The following PACSIN1 variants were observed in gnomAD, a reference collection of about 807,000 sequenced individuals.
PACSIN1 encodes protein kinase C and casein kinase substrate in neurons 1.
In PACSIN1, 15 loss-of-function variants were observed where a neutral mutation model predicts 59.5. The observed-to-expected ratio is 0.25, with a 90% CI of 0.17 to 0.39. The LOEUF (loss-of-function observed/expected upper bound fraction) is 0.39. PACSIN1 is among the 10% of genes least tolerant of loss of function. PACSIN1 has a pLI of 1.00. For synonymous variants in PACSIN1, 210 were observed against 220.6 expected (o/e 0.95, Z 0.42); for missense variants, 420 against 580.2 (o/e 0.72, Z 2.84).
intron 1 of PACSIN1, among the ~76,000 whole-genome samples, chr6:34,505,799 A>G (rs536259298): frequency 2.8e-4 from 43 of 151,502 alleles, no homozygotes; most frequent in Non-Finnish European, 5.6e-4. Flanking sequence ...TGCCTGGCTG[A>G]TTTTGTAATT....
At chr6:34,502,215 T>G (rs920788352) in intron 1 of PACSIN1, among the ~76,000 whole-genome samples, 1 of 151,986 alleles carries the variant, frequency 6.6e-6, no homozygotes, top group African/African-American at 2.4e-5. Flanking sequence ...CAGTAAGACA[T>G]TGGCAAGCAT....
In PACSIN1 at chr6:34,532,305, A is replaced by C. The variant is rs1767611778; in HGVS notation, c.1226-116A>C. The C allele has an allele frequency of 1.4e-6, 1 of 693,516 alleles. No homozygotes were observed. Among genetic ancestry groups the C allele is most frequent in the Non-Finnish European group, 2.5e-6 (1 of 399,494 alleles). 43.0% of individuals were successfully genotyped at this position (693,516 alleles called of 1,614,324 possible). A position where few individuals can be genotyped will look rare whatever the true frequency, so the allele number is the denominator to read the frequency against. Reference sequence around the variant, plus strand: ...TGGTTTCCAGGGGCGGGGCCTAAGAATCTAAAACCCAGTGCAGTAATCAGG... The same window carrying C: ...TGGTTTCCAGGGGCGGGGCCTAAGACTCTAAAACCCAGTGCAGTAATCAGG... On this transcript the variant is annotated intron_variant, in intron 9 of 9. Coordinates refer to ENST00000244458, the MANE Select transcript of PACSIN1 (RefSeq NM_020804.5). This position sits in a 1 kb window ranked among gnomAD's most constrained non-coding sequence, Gnocchi z 5.2.
At chr6:34,498,342 G>A (rs941826699) in intron 1 of PACSIN1, among the ~76,000 whole-genome samples, 5 of 152,230 alleles carry the variant, frequency 3.3e-5, no homozygotes, top group African/African-American at 1.2e-4. Context: ...TTACAGGCAC[G>A]AGCCACCGCG....
At position 34,510,462 on chromosome 6, in the gene PACSIN1, A is replaced by G. The variant is rs567641400; in HGVS notation, c.-63-15781A>G. ...CACCTCTCTCTGTCTGGCTTGCTCT[A>G]CCTACCATCCATTCATCCGCCCTCC... On this transcript the variant is annotated intron_variant, in intron 1 of 9. Transcript: ENST00000244458. 2.5e-4 allele frequency among the ~76,000 whole-genome samples: 38 copies of G among 152,086 alleles called. No individual in the cohort carries two copies. The South Asian group carries it at 7.7e-3, about 31-fold the overall frequency.
chr6:34,477,423 C>T (rs1430372042), intron 1 of PACSIN1, among the ~76,000 whole-genome samples: 2 of 151,552 alleles, frequency 1.3e-5, no homozygotes, highest in African/African-American at 4.9e-5. Context: ...GAAAGAAAAT[C>T]ATGTCCATCT....
At position 34,527,187 on chromosome 6, in the gene PACSIN1, G is replaced by A. The variant is rs2282250; in HGVS notation, c.64-145G>A. 7,599 of 833,132 alleles carry A rather than the reference G, an allele frequency of 9.1e-3. 359 individuals carry two copies. In the East Asian group the frequency reaches 0.12, roughly 14 times the overall value. 51.6% of individuals were successfully genotyped at this position (833,132 alleles called of 1,614,324 possible). A position where few individuals can be genotyped will look rare whatever the true frequency, so the allele number is the denominator to read the frequency against. ...GGGTGTTGCCGCTGCGCCGCGGGGC[G>A]GGGGGCGGGGGCGGGGGCGGGGACG... On this transcript the variant is annotated intron_variant, in intron 2 of 9. Transcript: ENST00000244458.
Position 34,530,318 on chromosome 6 carries a change from C to T in PACSIN1, c.864C>T (p.Arg288=). 6.2e-7 allele frequency: 1 copy of T among 1,614,162 alleles called. No individual in the cohort carries two copies. The highest frequency in any genetic ancestry group is 8.5e-7 in the Non-Finnish European group (1 of 1,180,028). The change falls in exon 7 of 10, where the codon CGC becomes CGT. Residue 288 remains arginine, a synonymous_variant. Coordinates refer to ENST00000244458, the MANE Select transcript of PACSIN1 (RefSeq NM_020804.5). The surrounding 1 kb of genome is among the most constrained non-coding windows in gnomAD (Gnocchi z 4.4). ...ADAQEDLRWF[R]STSGPGMPMN... ...CCCAGGAAGACCTCAGATGGTTCCG[C>T]AGCACCAGTGGCCCCGGCATGCCCA...
At chr6:34,502,288 A>C (rs568944952) in intron 1 of PACSIN1, among the ~76,000 whole-genome samples, 35 of 152,074 alleles carry the variant, frequency 2.3e-4, no homozygotes, top group African/African-American at 8.2e-4. Context: ...TGGAATGCTC[A>C]CTTTTGGAGC....
chr6:34,495,130 A>G (rs1766929542), intron 1 of PACSIN1, among the ~76,000 whole-genome samples: 1 of 152,144 alleles, frequency 6.6e-6, no homozygotes, highest in African/African-American at 2.4e-5. Flanking sequence ...AATGGGCAGG[A>G]TCTCAGCTAG....
intron 1 of PACSIN1, among the ~76,000 whole-genome samples, chr6:34,496,633 G>A (rs1766951465): frequency 6.6e-6 from 1 of 152,224 alleles, no homozygotes; most frequent in Admixed American, 6.5e-5. Flanking sequence ...AGCCTCAGCT[G>A]CACACCCTAC....
chr6:34,531,554 G>T lies in PACSIN1; in HGVS notation c.1038-46G>T, dbSNP rs780067686. 1 of 1,587,240 alleles carries T rather than the reference G, an allele frequency of 6.3e-7. No individual in the cohort carries two copies. The highest frequency in any genetic ancestry group is 8.6e-7 in the Non-Finnish European group (1 of 1,160,402). Reference sequence around the variant, plus strand: ...AGGAGGAGCGGTTAGCCCTCGGGATGCGGTACGGGGAGACATTGAAGCTGG... The same window carrying T: ...AGGAGGAGCGGTTAGCCCTCGGGATTCGGTACGGGGAGACATTGAAGCTGG... On this transcript the variant is annotated intron_variant, in intron 8 of 9. Coordinates refer to ENST00000244458, the MANE Select transcript of PACSIN1 (RefSeq NM_020804.5). This position sits in a 1 kb window ranked among gnomAD's most constrained non-coding sequence, Gnocchi z 4.4.
rs1448492356 is a variant in PACSIN1 at position 34,488,045 on chromosome 6, G to A, written c.-64+21775G>A. Among the ~76,000 whole-genome samples, 3 of 152,120 alleles carry A rather than the reference G, an allele frequency of 2.0e-5. No homozygotes were observed. The highest frequency in any genetic ancestry group is 7.2e-5 in the African/African-American group (3 of 41,406). ...AGCCACAGTCCCGCTGCTGCAGCAG[G>A]ACTCTGGGCCACAACAGACACTTGC... On this transcript the variant is annotated intron_variant, in intron 1 of 9. Coordinates refer to ENST00000244458, the MANE Select transcript of PACSIN1 (RefSeq NM_020804.5). The surrounding 1 kb of genome is among the most constrained non-coding windows in gnomAD (Gnocchi z 4.7).
intron 4 of PACSIN1, 76 bp downstream of exon 4, chr6:34,528,953 T>C: frequency 8.7e-7 from 1 of 1,153,718 alleles, no homozygotes. Context: ...AGGGAGGGCA[T>C]CTATGGATGG....
rs572795554 is a variant in PACSIN1 at position 34,521,529 on chromosome 6, C to T, written c.-63-4714C>T. On this transcript the variant is annotated intron_variant, in intron 1 of 9. Transcript: ENST00000244458. The surrounding 1 kb of genome is among the most constrained non-coding windows in gnomAD (Gnocchi z 4.3). The stretch of plus-strand genomic sequence containing the variant: ...GCTGGGGCTCCTTTGTCACTGAGGC[C>T]GCCATTACAGACTTGGCCCACATCT... Among the ~76,000 whole-genome samples, 19 of 152,286 alleles carry T rather than the reference C, an allele frequency of 1.2e-4. No homozygotes were observed. The highest frequency in any genetic ancestry group is 3.6e-4 in the African/African-American group (15 of 41,532).
At chr6:34,478,518 A>G (rs1766672501) in intron 1 of PACSIN1, among the ~76,000 whole-genome samples, 1 of 151,484 alleles carries the variant, frequency 6.6e-6, no homozygotes, top group Non-Finnish European at 1.5e-5. Context: ...GATTGCAGGC[A>G]TGCGTCACCA....
intron 1 of PACSIN1, among the ~76,000 whole-genome samples, chr6:34,520,467 G>A (rs553633496): frequency 6.6e-6 from 1 of 152,306 alleles, no homozygotes; most frequent in South Asian, 2.1e-4. Context: ...GCAGGGGCAG[G>A]GGAAGGACCC....
rs755287673 is a variant in PACSIN1, at chr6:34,529,658, G to T, written c.613-8G>T. 1.7e-5 allele frequency: 27 copies of T among 1,613,694 alleles called. No homozygotes were observed. The highest frequency in any genetic ancestry group is 2.2e-5 in the Non-Finnish European group (26 of 1,179,772). On this transcript the variant is annotated splice_polypyrimidine_tract_variant and splice_region_variant and intron_variant, in intron 5 of 9. Transcript: ENST00000244458. The surrounding 1 kb of genome is among the most constrained non-coding windows in gnomAD (Gnocchi z 6.3). ...GGTGTCACCCTCTCTCCACTCTGGT[G>T]CCCACAGACACAGGAGAAGTATGAG...
chr6:34,532,573 G>A lies in PACSIN1; in HGVS notation c.*43G>A, dbSNP rs1289271498. 3 of 1,092,688 alleles carry A rather than the reference G, an allele frequency of 2.7e-6. No homozygotes were observed. The highest frequency in any genetic ancestry group is 2.2e-5 in the Admixed American group (1 of 45,330). The allele number at this position is 1,092,688 out of a possible 1,614,324, so 67.7% of individuals were successfully genotyped here. ...ACTCCCGTCACTCCTCCCCACTGCC[G>A]CCCCTCCCCTCCCACTCTCGTCTCC... On this transcript the variant is annotated 3_prime_UTR_variant, in exon 10 of 10. Transcript: ENST00000244458. The surrounding 1 kb of genome is among the most constrained non-coding windows in gnomAD (Gnocchi z 5.2).
chr6:34,531,790 A>G lies in PACSIN1; in HGVS notation c.1225+3A>G, dbSNP rs1335831860. On this transcript the variant is annotated splice_donor_region_variant and intron_variant, in intron 9 of 9. Coordinates refer to ENST00000244458, the MANE Select transcript of PACSIN1 (RefSeq NM_020804.5). The surrounding 1 kb of genome is among the most constrained non-coding windows in gnomAD (Gnocchi z 4.4). The stretch of plus-strand genomic sequence containing the variant: ...GGACGAGCTCAGCTTTAAGGCCGGT[A>G]GGACGGCTGGGCGGGGCAGTGCCTG... The G allele has an allele frequency of 6.4e-7, 1 of 1,556,662 alleles. No individual in the cohort carries two copies. The highest frequency in any genetic ancestry group is 8.7e-7 in the Non-Finnish European group (1 of 1,149,432).
Sources: allele counts gnomAD v4.1 joint callset (sites outside exome capture counted in the v4.1 genomes callset), GRCh38; gene constraint gnomAD v4.1.1; non-coding constraint Gnocchi (gnomAD v3.1); transcripts MANE v1.5; gene names NCBI Gene and HGNC (gene_info 2026-07-23, HGNC 2026-07-21).